The following GABRB1 variants were observed in gnomAD, a reference collection of about 807,000 sequenced individuals.
The protein encoded by GABRB1 is gamma-aminobutyric acid type A receptor subunit beta1.
GABRB1 carries 17 observed loss-of-function variants against 51.6 expected under a neutral mutation model. The observed-to-expected ratio is 0.33, with a 90% CI of 0.23 to 0.49. GABRB1 has a LOEUF of 0.49. Among genes scored for constraint, GABRB1 ranks in the 20% least tolerant of loss-of-function variants. The probability of loss-of-function intolerance (pLI) is 0.99; values close to 1 mark genes in which losing one functional copy is unlikely to be tolerated. For synonymous variants in GABRB1, 247 were observed against 218.9 expected, an observed-to-expected ratio of 1.13 and a Z score of -1.14; for missense variants, 410 against 600.6, an observed-to-expected ratio of 0.68 and a Z score of 3.32.
chr4:47,243,715 A>G (rs1185313518), intron 4 of GABRB1, among the ~76,000 whole-genome samples: 1 of 152,036 alleles, frequency 6.6e-6, no homozygotes, highest in African/African-American at 2.4e-5. Context: ...AATGCTTGTG[A>G]TTTTTGCACA....
intron 5 of GABRB1, among the ~76,000 whole-genome samples, chr4:47,381,383 T>C (rs141567103): frequency 6.6e-6 from 1 of 152,322 alleles, no homozygotes; most frequent in African/African-American, 2.4e-5. Flanking sequence ...AACTGGTCTT[T>C]GTCTGATCCC....
chr4:47,150,759 G>C (rs1343486459), intron 3 of GABRB1, among the ~76,000 whole-genome samples: 1 of 151,664 alleles, frequency 6.6e-6, no homozygotes, highest in Non-Finnish European at 1.5e-5. Flanking sequence ...GAGGTGATAA[G>C]CAATAAACAG....
At chr4:47,146,958 G>T (rs185520635) in intron 3 of GABRB1, among the ~76,000 whole-genome samples, 29 of 152,118 alleles carry the variant, frequency 1.9e-4, no homozygotes, top group African/African-American at 5.8e-4. Flanking sequence ...TTGATTGGTT[G>T]AATGATAAAT....
At chr4:47,054,804 C>T (rs750151338) in intron 3 of GABRB1, among the ~76,000 whole-genome samples, 6 of 152,124 alleles carry the variant, frequency 3.9e-5, no homozygotes, top group Non-Finnish European at 5.9e-5. Context: ...AGGCTGGTCT[C>T]CAACTCCTGA....
chr4:47,086,959 T>A (rs932726359), intron 3 of GABRB1, among the ~76,000 whole-genome samples: 1 of 152,222 alleles, frequency 6.6e-6, no homozygotes, highest in African/African-American at 2.4e-5. Context: ...CCTCACAGTG[T>A]GGAGAACCAT....
intron 3 of GABRB1, among the ~76,000 whole-genome samples, chr4:47,069,998 G>A (rs1035586062): frequency 5.3e-5 from 8 of 151,280 alleles, no homozygotes; most frequent in Non-Finnish European, 1.2e-4. Flanking sequence ...TGAAAATATT[G>A]CACTTGCCCT....
At chr4:47,192,407 A>G (rs1164710804) in intron 4 of GABRB1, among the ~76,000 whole-genome samples, 1 of 152,218 alleles carries the variant, frequency 6.6e-6, no homozygotes, top group African/African-American at 2.4e-5. Flanking sequence ...TGAAAAAAGG[A>G]AAATGTAATT....
At chr4:47,191,926 G>A (rs901188232) in intron 4 of GABRB1, among the ~76,000 whole-genome samples, 15 of 152,108 alleles carry the variant, frequency 9.9e-5, no homozygotes, top group African/African-American at 3.4e-4. Context: ...GCCCTCTGCA[G>A]ACACATAGAA....
chr4:47,082,431 G>A (rs1727889668), intron 3 of GABRB1, among the ~76,000 whole-genome samples: 1 of 151,998 alleles, frequency 6.6e-6, no homozygotes, highest in Non-Finnish European at 1.5e-5. Flanking sequence ...AATTGTACTA[G>A]CTTCACACTA....
chr4:47,113,841 C>A (rs1715347532), intron 3 of GABRB1, among the ~76,000 whole-genome samples: 1 of 152,214 alleles, frequency 6.6e-6, no homozygotes, highest in Non-Finnish European at 1.5e-5. Context: ...CCCCGCAGTT[C>A]TGTTTTCAAT....
intron 3 of GABRB1, chr4:47,043,333 G>A (rs1019785552): frequency 3.9e-5 from 6 of 152,006 alleles, no homozygotes; most frequent in Admixed American, 3.9e-4. Flanking sequence ...GGTTATTTGT[G>A]TCTGCCTCTT....
At chr4:47,204,910 T>C (rs1720052587) in intron 4 of GABRB1, among the ~76,000 whole-genome samples, 1 of 152,174 alleles carries the variant, frequency 6.6e-6, no homozygotes, top group Admixed American at 6.6e-5. Context: ...TCAAGAAAAC[T>C]ATTCATCTAA....
intron 2 of GABRB1, among the ~76,000 whole-genome samples, 183 bp from the exon 3 acceptor site, chr4:47,032,234 C>A (rs1725348829): frequency 6.6e-6 from 1 of 151,948 alleles, no homozygotes; most frequent in Non-Finnish European, 1.5e-5. Context: ...ACACCCTCTG[C>A]ATAGTCACTG....
intron 4 of GABRB1, among the ~76,000 whole-genome samples, chr4:47,172,505 G>C (rs1031505254): frequency 6.6e-6 from 1 of 151,966 alleles, no homozygotes; most frequent in Non-Finnish European, 1.5e-5. Flanking sequence ...TAAACTGTGA[G>C]TGTTGCTCAC....
At chr4:47,047,962 C>T (rs1263592883) in intron 3 of GABRB1, among the ~76,000 whole-genome samples, 2 of 152,056 alleles carry the variant, frequency 1.3e-5, no homozygotes, top group East Asian at 1.9e-4. Context: ...GGGAAGTGTA[C>T]ATCCTTAGAA....
chr4:47,199,336 G>C (rs752909489), intron 4 of GABRB1, among the ~76,000 whole-genome samples: 11 of 152,084 alleles, frequency 7.2e-5, no homozygotes, highest in Non-Finnish European at 1.2e-4. Context: ...ACAACCAAAA[G>C]GTCAGATTAT....
intron 8 of GABRB1, among the ~76,000 whole-genome samples, chr4:47,409,318 G>T (rs1468022723): frequency 6.6e-6 from 1 of 152,180 alleles, no homozygotes; most frequent in African/African-American, 2.4e-5. Flanking sequence ...TGGACAAGTT[G>T]AAGGATGGTA....
chr4:47,378,328 GGGCC>G (rs1316338379), intron 5 of GABRB1, among the ~76,000 whole-genome samples: 3 of 152,226 alleles, frequency 2.0e-5, no homozygotes, highest in African/African-American at 7.2e-5. Flanking sequence ...CGCGCCGGCA[GGGCC>G]GGCCGGCCGC....
At chr4:47,391,956 T>G (rs569884694) in intron 5 of GABRB1, among the ~76,000 whole-genome samples, 1 of 152,148 alleles carries the variant, frequency 6.6e-6, no homozygotes, top group African/African-American at 2.4e-5. Flanking sequence ...TAGAAACAGT[T>G]GAAATATTCT....
Sources: allele counts gnomAD v4.1 joint callset (sites outside exome capture counted in the v4.1 genomes callset), GRCh38; gene constraint gnomAD v4.1.1; transcripts MANE v1.5; gene names NCBI Gene and HGNC (gene_info 2026-07-23, HGNC 2026-07-21).